AGPAT4: variants seen among roughly 807,000 people sequenced by gnomAD.
AGPAT4 encodes the protein 1-acylglycerol-3-phosphate O-acyltransferase 4.
Under a neutral mutation model 48.0 loss-of-function variants are expected in AGPAT4, and 15 were observed. That is an observed-to-expected ratio of 0.31 (90% CI 0.21 to 0.48). The LOEUF is 0.48. Ranked by LOEUF, AGPAT4 falls within the 20% of genes least tolerant of loss-of-function variation. The pLI, the probability that AGPAT4 is intolerant of heterozygous loss-of-function variation, is 0.99. For synonymous variants in AGPAT4, 178 were observed against 198.7 expected, an observed-to-expected ratio of 0.90 and a Z score of 0.88; for missense variants, 314 against 482.5, an observed-to-expected ratio of 0.65 and a Z score of 3.27.
rs1282094254 is a variant in AGPAT4, at chr6:161,221,828, C to T, written c.178+10208G>A. Among the ~76,000 whole-genome samples, 1 of 152,216 alleles carries T rather than the reference C, an allele frequency of 6.6e-6. No individual in the cohort carries two copies. The highest frequency in any genetic ancestry group is 2.4e-5 in the African/African-American group (1 of 41,446). Reference sequence around the variant, plus strand: ...TATCTTCACATCGTCTTCCTCTCTGCATGTCTTTCTCTGTGTCCACATTTT... The same window carrying T: ...TATCTTCACATCGTCTTCCTCTCTGTATGTCTTTCTCTGTGTCCACATTTT... On this transcript the variant is annotated intron_variant, in intron 2 of 8. Transcript: ENST00000320285. This position sits in a 1 kb window ranked among gnomAD's most constrained non-coding sequence, Gnocchi z 4.5.
rs1390924547 is a variant in AGPAT4 at position 161,145,466 on chromosome 6, G to GT, written c.843+1057dup. ...ATAAAGGCATCATCAGGGAAAAAAGGTATCAGGATCTTGATTCCAAAAACT... is the reference window on the plus strand; with the variant it reads ...ATAAAGGCATCATCAGGGAAAAAAGGTTATCAGGATCTTGATTCCAAAAACT... On this transcript the variant is annotated intron_variant, in intron 7 of 8. Transcript: ENST00000320285. 2.2e-4 allele frequency among the ~76,000 whole-genome samples: 34 copies of GT among 151,764 alleles called. 1 individual carries two copies. The highest frequency in any genetic ancestry group is 8.3e-4 in the African/African-American group (34 of 41,034).
rs1488334738 is a variant in AGPAT4, at chr6:161,238,196, A to C, written c.-89-5894T>G. Among the ~76,000 whole-genome samples, 5 of 152,272 alleles carry C rather than the reference A, an allele frequency of 3.3e-5. No individual in the cohort carries two copies. The highest frequency in any genetic ancestry group is 7.3e-5 in the Non-Finnish European group (5 of 68,032). On this transcript the variant is annotated intron_variant, in intron 1 of 8. Coordinates refer to ENST00000320285, the MANE Select transcript of AGPAT4 (RefSeq NM_020133.3). This position sits in a 1 kb window ranked among gnomAD's most constrained non-coding sequence, Gnocchi z 5.2. ...ATCCAGGCCTGGCCACTTTACAGCT[A>C]TGGAAGTTGATTAACTTACTTGGCC...
rs545908131 is a variant in AGPAT4 at position 161,225,993 on chromosome 6, A to T, written c.178+6043T>A. ...TGTTGTTCAGCTACTCTGAAGGGAG[A>T]GATGATCAGTTTTAGGATCATGTCC... On this transcript the variant is annotated intron_variant, in intron 2 of 8. Transcript: ENST00000320285. This position sits in a 1 kb window ranked among gnomAD's most constrained non-coding sequence, Gnocchi z 5.0. Among the ~76,000 whole-genome samples the T allele has an allele frequency of 1.2e-4, 19 of 152,090 alleles. No individual in the cohort carries two copies. Among genetic ancestry groups the T allele is most frequent in the African/African-American group, 4.3e-4 (18 of 41,480 alleles).
rs112805674 is a variant in AGPAT4, at chr6:161,180,133, C to G, written c.179-13716G>C. 5.3e-5 allele frequency among the ~76,000 whole-genome samples: 8 copies of G among 152,114 alleles called. No individual in the cohort carries two copies. Among genetic ancestry groups the G allele is most frequent in the African/African-American group, 1.9e-4 (8 of 41,406 alleles). On this transcript the variant is annotated intron_variant, in intron 2 of 8. Transcript: ENST00000320285. The surrounding 1 kb of genome is among the most constrained non-coding windows in gnomAD (Gnocchi z 6.4). The stretch of plus-strand genomic sequence containing the variant: ...CATTCTGGTCAGGATCCCAGGGATG[C>G]CTATCCTCCCTGGAGACCCCAACAA...
At chr6:161,260,724 A>G (rs12211487) in intron 1 of AGPAT4, among the ~76,000 whole-genome samples, 16,692 of 149,240 alleles carry the variant, frequency 0.11, 1,163 homozygotes, top group Non-Finnish European at 0.15. Flanking sequence ...CCCTCTCTAC[A>G]CAAAATACAA....
Position 161,200,984 on chromosome 6 carries a change from A to C in AGPAT4, c.178+31052T>G, listed in dbSNP as rs754658169. 2.0e-5 allele frequency among the ~76,000 whole-genome samples: 3 copies of C among 152,200 alleles called. No individual in the cohort carries two copies. Among genetic ancestry groups the C allele is most frequent in the African/African-American group, 4.8e-5 (2 of 41,448 alleles). On this transcript the variant is annotated intron_variant, in intron 2 of 8. Coordinates refer to ENST00000320285, the MANE Select transcript of AGPAT4 (RefSeq NM_020133.3). The surrounding 1 kb of genome is among the most constrained non-coding windows in gnomAD (Gnocchi z 5.5). The stretch of plus-strand genomic sequence containing the variant: ...GCTGGGCCAGCCTGTGATCCTTTCC[A>C]TCAGAGCAACAGGCAGAACGACAGC...
intron 2 of AGPAT4, among the ~76,000 whole-genome samples, chr6:161,224,733 A>C (rs1258712220): frequency 1.3e-5 from 2 of 152,070 alleles, no homozygotes; most frequent in Non-Finnish European, 2.9e-5. Flanking sequence ...TTTCCCAAGT[A>C]CCAAACGCAA....
At chr6:161,237,461 G>A (rs530639167) in intron 1 of AGPAT4, among the ~76,000 whole-genome samples, 110 of 152,304 alleles carry the variant, frequency 7.2e-4, no homozygotes, top group African/African-American at 2.6e-3. Flanking sequence ...TGAGTCATTC[G>A]TATAAGGATG....
rs1025649864 is a variant in AGPAT4, at chr6:161,218,165, G to A, written c.178+13871C>T. ...AAGATGACTGTAGCTCTCTACCCCCGTCCACAGTGACGGTGCCAATGGTGC... is the reference window on the plus strand; with the variant it reads ...AAGATGACTGTAGCTCTCTACCCCCATCCACAGTGACGGTGCCAATGGTGC... On this transcript the variant is annotated intron_variant, in intron 2 of 8. Transcript: ENST00000320285. This position sits in a 1 kb window ranked among gnomAD's most constrained non-coding sequence, Gnocchi z 4.7. Among the ~76,000 whole-genome samples, 4 of 152,192 alleles carry A rather than the reference G, an allele frequency of 2.6e-5. No individual in the cohort carries two copies. Among genetic ancestry groups the A allele is most frequent in the Admixed American group, 6.5e-5 (1 of 15,274 alleles).
At chr6:161,273,562 TC>T (rs1783493678) in intron 1 of AGPAT4, among the ~76,000 whole-genome samples, 2 of 151,596 alleles carry the variant, frequency 1.3e-5, no homozygotes, top group South Asian at 2.1e-4. Context: ...ATAGGAACAT[TC>T]CCCCCACCAC....
chr6:161,176,708 G>A (rs532910289), intron 2 of AGPAT4, among the ~76,000 whole-genome samples: 21 of 152,232 alleles, frequency 1.4e-4, no homozygotes, highest in African/African-American at 2.6e-4. Flanking sequence ...TATTTTGCTC[G>A]TTAATTGATG....
rs1047142485 is a variant in AGPAT4, at chr6:161,236,880, C to T, written c.-89-4578G>A. 9.2e-5 allele frequency among the ~76,000 whole-genome samples: 14 copies of T among 151,998 alleles called. No individual in the cohort carries two copies. The highest frequency in any genetic ancestry group is 3.1e-4 in the African/African-American group (13 of 41,376). ...TTGTGCCACTGCACTCCAGCCTGGG[C>T]GACAGAGTGAGACTCCATCTCAAAC... On this transcript the variant is annotated intron_variant, in intron 1 of 8. Transcript: ENST00000320285. The surrounding 1 kb of genome is among the most constrained non-coding windows in gnomAD (Gnocchi z 5.0).
At chr6:161,170,471 G>GCACACACACACACA (rs1216836382) in intron 2 of AGPAT4, among the ~76,000 whole-genome samples, 1 of 113,728 alleles carries the variant, frequency 8.8e-6, no homozygotes, top group East Asian at 2.2e-4. Flanking sequence ...ACGTGCGCGC[G>GCACACACACACACA]CGCACACACA....
At chr6:161,209,772 T>C (rs1781475343) in intron 2 of AGPAT4, among the ~76,000 whole-genome samples, 1 of 152,140 alleles carries the variant, frequency 6.6e-6, no homozygotes, top group African/African-American at 2.4e-5. Flanking sequence ...CAACCGACGT[T>C]TGTTGAATAA....
In AGPAT4 at chr6:161,134,364, A is replaced by C. The variant is rs937882718; in HGVS notation, c.*2176T>G. ...GGATCTATGTTTTTAGAACTTACTT[A>C]GATTACTTCTGTGTTGAATGGAAGA... On this transcript the variant is annotated 3_prime_UTR_variant, in exon 9 of 9. Coordinates refer to ENST00000320285, the MANE Select transcript of AGPAT4 (RefSeq NM_020133.3). 2 of 152,196 alleles carry C rather than the reference A, an allele frequency of 1.3e-5. No individual in the cohort carries two copies. The highest frequency in any genetic ancestry group is 4.8e-5 in the African/African-American group (2 of 41,434). 9.4% of individuals were successfully genotyped at this position (152,196 alleles called of 1,614,324 possible).
intron 2 of AGPAT4, among the ~76,000 whole-genome samples, chr6:161,203,339 T>C (rs1018891371): frequency 1.3e-5 from 2 of 150,528 alleles, no homozygotes; most frequent in Non-Finnish European, 3.0e-5. Flanking sequence ...AATGAATCAA[T>C]AAAAGTGCTT....
At chr6:161,239,176 T>C (rs1253205661) in intron 1 of AGPAT4, among the ~76,000 whole-genome samples, 1 of 152,142 alleles carries the variant, frequency 6.6e-6, no homozygotes, top group Admixed American at 6.5e-5. Flanking sequence ...ACTGCTGAAG[T>C]GAGTTATGTA....
intron 2 of AGPAT4, among the ~76,000 whole-genome samples, chr6:161,199,036 T>C (rs1485173632): frequency 1.3e-5 from 2 of 151,870 alleles, no homozygotes; most frequent in African/African-American, 4.8e-5. Flanking sequence ...AAAGAACATC[T>C]GGATATAACA....
chr6:161,219,856 TAGATAGATAGATAGATAGGC>T lies in AGPAT4; in HGVS notation c.178+12160_178+12179del, dbSNP rs1271007532. Among the ~76,000 whole-genome samples, 4 of 116,766 alleles carry T rather than the reference TAGATAGATAGATAGATAGGC, an allele frequency of 3.4e-5. No homozygotes were observed. Among genetic ancestry groups the T allele is most frequent in the Non-Finnish European group, 5.3e-5 (3 of 56,678 alleles). 76.6% of individuals were successfully genotyped at this position (116,766 alleles called of 152,430 possible). On this transcript the variant is annotated intron_variant, in intron 2 of 8. Coordinates refer to ENST00000320285, the MANE Select transcript of AGPAT4 (RefSeq NM_020133.3). The surrounding 1 kb of genome is among the most constrained non-coding windows in gnomAD (Gnocchi z 4.9). ...ATAGATAGATAGATAGATAGATAGATAGATAGATAGATAGATAGGCAGGCAGGCAGGCAGGCAGGCAGGCA... is the reference window on the plus strand; with the variant it reads ...ATAGATAGATAGATAGATAGATAGATAGGCAGGCAGGCAGGCAGGCAGGCA...
Sources: allele counts gnomAD v4.1 joint callset (sites outside exome capture counted in the v4.1 genomes callset), GRCh38; gene constraint gnomAD v4.1.1; non-coding constraint Gnocchi (gnomAD v3.1); transcripts MANE v1.5; gene names NCBI Gene and HGNC (gene_info 2026-07-23, HGNC 2026-07-21).